Variants in SCD observed in about 807,000 individuals in gnomAD.
SCD encodes stearoyl-CoA desaturase.
SCD carries 4 observed loss-of-function variants against 35.7 expected under a neutral mutation model. The observed-to-expected ratio is 0.11, with a 90% CI of 0.06 to 0.26. SCD has a LOEUF of 0.26. Among genes scored for constraint, SCD ranks in the 10% least tolerant of loss-of-function variants. SCD has a pLI of 1.00. For missense variants in SCD, 282 were observed against 460.7 expected, an observed-to-expected ratio of 0.61 and a Z score of 3.55; for synonymous variants, 150 against 170.2, an observed-to-expected ratio of 0.88 and a Z score of 0.92.
chr10:100,358,147 A>T (rs1049758541), intron 5 of SCD, among the ~76,000 whole-genome samples: 2 of 152,070 alleles, frequency 1.3e-5, no homozygotes, highest in African/African-American at 2.4e-5. Context: ...TTACAGGTGC[A>T]TGCCACCATG....
intron 2 of SCD, among the ~76,000 whole-genome samples, chr10:100,348,981 A>C (rs1317349200): frequency 6.6e-6 from 1 of 152,208 alleles, no homozygotes; most frequent in Non-Finnish European, 1.5e-5. Flanking sequence ...GGTGCTGCAC[A>C]TACCAGTCAA....
intron 5 of SCD, among the ~76,000 whole-genome samples, chr10:100,357,531 C>T (rs935471789): frequency 1.3e-5 from 2 of 152,212 alleles, no homozygotes; most frequent in African/African-American, 2.4e-5. Context: ...GGGCTAGGAA[C>T]ATCCCTTCCC....
At chr10:100,349,454 G>A (rs774593575) in intron 2 of SCD, among the ~76,000 whole-genome samples, 45 of 152,224 alleles carry the variant, frequency 3.0e-4, no homozygotes, top group Non-Finnish European at 3.8e-4. Context: ...CGCTCTTGAA[G>A]GGTAGTTATG....
At chr10:100,350,990 G>A (rs1849866045) in intron 2 of SCD, among the ~76,000 whole-genome samples, 1 of 152,160 alleles carries the variant, frequency 6.6e-6, no homozygotes, top group South Asian at 2.1e-4. Flanking sequence ...GGGTTGGGGG[G>A]AAAAGGAGGT....
Position 100,347,400 on chromosome 10 carries a change from T to G in SCD, c.-105T>G. On this transcript the variant is annotated 5_prime_UTR_variant, in exon 1 of 6. Transcript: ENST00000370355. ...CAGCTAGCGTGCAAGGCGCCGCGGC[T>G]CAGCGCGTACCGGCGGGCTTCGAAA... The G allele has an allele frequency of 7.7e-7, 1 of 1,298,554 alleles. No homozygotes were observed. Among genetic ancestry groups the G allele is most frequent in the Non-Finnish European group, 1.1e-6 (1 of 909,466 alleles). 80.4% of individuals were successfully genotyped at this position (1,298,554 alleles called of 1,614,324 possible).
intron 3 of SCD, among the ~76,000 whole-genome samples, chr10:100,353,918 T>C (rs538169395): frequency 1.1e-4 from 16 of 152,234 alleles, no homozygotes; most frequent in Non-Finnish European, 1.8e-4. Context: ...AATGCAGTCA[T>C]GATCACGAGT....
At chr10:100,353,010 C>T (rs1849887519) in intron 3 of SCD, among the ~76,000 whole-genome samples, 1 of 151,890 alleles carries the variant, frequency 6.6e-6, no homozygotes, top group African/African-American at 2.4e-5. Flanking sequence ...AAGTGAATAA[C>T]TTAGGACTCC....
chr10:100,351,358 G>A (rs1239925289), intron 2 of SCD, among the ~76,000 whole-genome samples: 1 of 152,120 alleles, frequency 6.6e-6, no homozygotes, highest in African/African-American at 2.4e-5. Context: ...CCCGGTGAGA[G>A]TATGGGCTGA....
chr10:100,349,736 GT>G (rs1420721359), intron 2 of SCD, among the ~76,000 whole-genome samples: 2 of 152,166 alleles, frequency 1.3e-5, no homozygotes, highest in East Asian at 3.9e-4. Flanking sequence ...GTGCAGATCA[GT>G]TCATCTGCAT....
Position 100,356,170 on chromosome 10 carries a change from G to A in SCD, c.648-362G>A, listed in dbSNP as rs1849925225. 6.6e-6 allele frequency among the ~76,000 whole-genome samples: 1 copy of A among 152,076 alleles called. No individual in the cohort carries two copies. Among genetic ancestry groups the A allele is most frequent in the Admixed American group, 6.5e-5 (1 of 15,280 alleles). On this transcript the variant is annotated intron_variant, in intron 4 of 5. Transcript: ENST00000370355. The surrounding 1 kb of genome is among the most constrained non-coding windows in gnomAD (Gnocchi z 4.1). ...GCGGGAGGATTGCTGGAAAGTTCAGGCATTCGAGACCAGCCTGGGCAACAT... is the reference window on the plus strand; with the variant it reads ...GCGGGAGGATTGCTGGAAAGTTCAGACATTCGAGACCAGCCTGGGCAACAT...
Position 100,364,429 on chromosome 10 carries a change from GC to G in SCD, c.*3497del, listed in dbSNP as rs1415658033. On this transcript the variant is annotated 3_prime_UTR_variant, in exon 6 of 6. Transcript: ENST00000370355. ...AGGGCAGTTTTGAGGCATGACTAAT[GC>G]TTTTTAGAAAGCATTTTGGGATCCT... The G allele has an allele frequency of 2.0e-5, 3 of 152,576 alleles. No individual in the cohort carries two copies. Among genetic ancestry groups the G allele is most frequent in the African/African-American group, 7.2e-5 (3 of 41,420 alleles). The allele number at this position is 152,576 out of a possible 1,614,324, so 9.5% of individuals were successfully genotyped here.
At chr10:100,354,317 A>C in intron 3 of SCD, 110 bp from the exon 4 acceptor site, 2 of 904,114 alleles carry the variant, frequency 2.2e-6, no homozygotes, top group Non-Finnish European at 3.5e-6. Context: ...ATTCCTGGGT[A>C]TTTTGTGAGG....
intron 1 of SCD, among the ~76,000 whole-genome samples, chr10:100,347,805 C>T (rs1849816015): frequency 6.6e-6 from 1 of 152,126 alleles, no homozygotes; most frequent in Admixed American, 6.5e-5. Context: ...GATGTGAGTG[C>T]TTTACTTCTC....
chr10:100,352,555 G>A lies in SCD; in HGVS notation c.441+59G>A, dbSNP rs989481419. The A allele has an allele frequency of 1.2e-5, 19 of 1,542,664 alleles. No individual in the cohort carries two copies. In the African/African-American group the frequency reaches 2.2e-4, roughly 18 times the overall value. ...CCACACTATTAATGATCCGGGGACA[G>A]AAAGGAGGGATCAGCACCAGAGAGG... On this transcript the variant is annotated intron_variant, in intron 3 of 5. Coordinates refer to ENST00000370355, the MANE Select transcript of SCD (RefSeq NM_005063.5). The surrounding 1 kb of genome is among the most constrained non-coding windows in gnomAD (Gnocchi z 4.2).
At chr10:100,355,634 G>T (rs1004603912) in intron 4 of SCD, among the ~76,000 whole-genome samples, 4 of 152,216 alleles carry the variant, frequency 2.6e-5, no homozygotes, top group African/African-American at 9.7e-5. Flanking sequence ...AAAGTGAGAG[G>T]TAGGGACATA....
At position 100,360,843 on chromosome 10, in the gene SCD, C is replaced by A; in HGVS notation, c.990C>A (p.Leu330=). Residue 330 remains leucine (L), a synonymous_variant, in exon 6 of 6, where the codon CTC becomes CTA. Transcript: ENST00000370355. ...TCTTCATTGATTGCATGGCCGCCCT[C>A]GGTCTGGCCTATGACCGGAAGAAAG... ...TTFFIDCMAA[L]GLAYDRKKVS... is the part of the protein sequence containing the mutation. 6.2e-7 allele frequency: 1 copy of A among 1,613,974 alleles called. No individual in the cohort carries two copies. Among genetic ancestry groups the A allele is most frequent in the Non-Finnish European group, 8.5e-7 (1 of 1,179,864 alleles).
chr10:100,350,653 C>T (rs1268307978), intron 2 of SCD, among the ~76,000 whole-genome samples: 1 of 152,194 alleles, frequency 6.6e-6, no homozygotes, highest in Non-Finnish European at 1.5e-5. Flanking sequence ...ACCAGAGTGC[C>T]TGAGTTCTTT....
At chr10:100,355,104 G>A (rs778080122) in intron 4 of SCD, among the ~76,000 whole-genome samples, 2 of 152,212 alleles carry the variant, frequency 1.3e-5, no homozygotes, top group Admixed American at 6.5e-5. Flanking sequence ...CTAATTTTTT[G>A]TGGGGACAAG....
At position 100,361,949 on chromosome 10, in the gene SCD, G is replaced by C. The variant is rs1020599566; in HGVS notation, c.*1016G>C. The C allele has an allele frequency of 6.6e-6, 1 of 152,118 alleles. No homozygotes were observed. The highest frequency in any genetic ancestry group is 2.4e-5 in the African/African-American group (1 of 41,404). The allele number at this position is 152,118 out of a possible 1,614,324, so 9.4% of individuals were successfully genotyped here. On this transcript the variant is annotated 3_prime_UTR_variant, in exon 6 of 6. Transcript: ENST00000370355. ...CCCTCATAGTAATAAGATGGCTGTG[G>C]CATTTCCAAACATCCAAAAAAAGGG...
Sources: allele counts gnomAD v4.1 joint callset (sites outside exome capture counted in the v4.1 genomes callset), GRCh38; gene constraint gnomAD v4.1.1; non-coding constraint Gnocchi (gnomAD v3.1); transcripts MANE v1.5; gene names NCBI Gene and HGNC (gene_info 2026-07-23, HGNC 2026-07-21).